Variants in GRIK2 observed in about 807,000 individuals in gnomAD.
GRIK2 encodes the protein glutamate receptor ionotropic, kainate 2.
GRIK2 carries 32 observed loss-of-function variants against 100.3 expected under a neutral mutation model. The observed-to-expected ratio is 0.32, with a 90% confidence interval of 0.24 to 0.43. The LOEUF (loss-of-function observed/expected upper bound fraction) is 0.43. GRIK2 is among the 20% of genes least tolerant of loss of function. The pLI is 1.00. For missense variants in GRIK2, 843 were observed against 1,114.9 expected (o/e 0.76, Z 3.47); for synonymous variants, 417 against 389.4 (o/e 1.07, Z -0.83).
At chr6:101,502,788 A>T (rs1173711319) in intron 2 of GRIK2, among the ~76,000 whole-genome samples, 1 of 152,162 alleles carries the variant, frequency 6.6e-6, no homozygotes, top group Non-Finnish European at 1.5e-5. Flanking sequence ...ATGGCAAAAA[A>T]CTTACTTTCT....
chr6:101,617,944 G>GTA lies in GRIK2; in HGVS notation c.116-3997_116-3996dup, dbSNP rs1254370527. ...GAAAATGTCATATATATATGTGTGT[G>GTA]TATATATATGTGTGTGTGTGTTTTG... On this transcript the variant is annotated intron_variant, in intron 2 of 16. Transcript: ENST00000369134. 1.3e-5 allele frequency among the ~76,000 whole-genome samples: 2 copies of GTA among 150,998 alleles called. 1 individual carries two copies. The highest frequency in any genetic ancestry group is 4.2e-4 in the South Asian group (2 of 4,814).
At chr6:101,750,406 G>A (rs1022090049) in intron 7 of GRIK2, among the ~76,000 whole-genome samples, 2 of 152,002 alleles carry the variant, frequency 1.3e-5, no homozygotes, top group African/African-American at 2.4e-5. Flanking sequence ...CCTTCTCACC[G>A]AGGCCCAGAT....
At chr6:101,791,365 A>G (rs1473515244) in intron 7 of GRIK2, among the ~76,000 whole-genome samples, 3 of 152,114 alleles carry the variant, frequency 2.0e-5, no homozygotes, top group Non-Finnish European at 2.9e-5. Context: ...ATTTCCCTCT[A>G]CACACTGCTT....
chr6:101,673,158 G>A (rs7451268), intron 4 of GRIK2, among the ~76,000 whole-genome samples: 47,054 of 151,908 alleles, frequency 0.31, 9,022 homozygotes, highest in African/African-American at 0.54. Flanking sequence ...ACTCAAGTCC[G>A]CAAGCAAAAA....
At chr6:101,618,907 C>T (rs550989674) in intron 2 of GRIK2, among the ~76,000 whole-genome samples, 5 of 150,242 alleles carry the variant, frequency 3.3e-5, no homozygotes, top group Non-Finnish European at 7.4e-5. Flanking sequence ...ACTGTTCATT[C>T]GTGATTTTTA....
At chr6:101,604,261 T>A in intron 2 of GRIK2, among the ~76,000 whole-genome samples, 1 of 151,800 alleles carries the variant, frequency 6.6e-6, no homozygotes, top group South Asian at 2.1e-4. Flanking sequence ...AAAATTAAAG[T>A]ATTTAAAAAT....
chr6:101,717,913 C>T (rs2128363066), intron 7 of GRIK2, among the ~76,000 whole-genome samples: 1 of 151,744 alleles, frequency 6.6e-6, no homozygotes, highest in Middle Eastern at 3.4e-3. Context: ...CTACCCAGGT[C>T]CATAAATAGC....
chr6:101,806,224 A>G (rs1419708054), intron 9 of GRIK2, among the ~76,000 whole-genome samples: 1 of 152,030 alleles, frequency 6.6e-6, no homozygotes, highest in Non-Finnish European at 1.5e-5. Context: ...AGAGGCTGGT[A>G]TTGAGCACTC....
Position 102,065,736 on chromosome 6 carries a change from G to A in GRIK2, c.2563-2611G>A, listed in dbSNP as rs1032804957. 47 of 1,025,336 alleles carry A rather than the reference G, an allele frequency of 4.6e-5. No individual in the cohort carries two copies. The East Asian group carries it at 5.6e-4, about 12-fold the overall frequency. 63.5% of individuals were successfully genotyped at this position (1,025,336 alleles called of 1,614,324 possible). A position where few individuals can be genotyped will look rare whatever the true frequency, so the allele number is the denominator to read the frequency against. ...TCCTATAACAATTTTAAATGTCAAC[G>A]GGATCAAGTTTTGACCATGTTATGT... On this transcript the variant is annotated intron_variant, in intron 16 of 16. Coordinates refer to ENST00000369134, the MANE Select transcript of GRIK2 (RefSeq NM_021956.5).
At chr6:101,902,646 T>G (rs1363102187) in intron 12 of GRIK2, among the ~76,000 whole-genome samples, 1 of 151,970 alleles carries the variant, frequency 6.6e-6, no homozygotes, top group East Asian at 1.9e-4. Context: ...TAATGTTTTC[T>G]TAATTATTGA....
At chr6:101,573,733 C>T (rs1463501271) in intron 2 of GRIK2, among the ~76,000 whole-genome samples, 2 of 152,014 alleles carry the variant, frequency 1.3e-5, no homozygotes, top group African/African-American at 4.8e-5. Context: ...TGAATTCTTT[C>T]ATTGGACACC....
chr6:101,823,141 T>C (rs1198463345), intron 10 of GRIK2, among the ~76,000 whole-genome samples: 1 of 152,158 alleles, frequency 6.6e-6, no homozygotes, highest in African/African-American at 2.4e-5. Context: ...TACTTAGTTT[T>C]CTTTTACTCT....
intron 4 of GRIK2, among the ~76,000 whole-genome samples, chr6:101,653,921 C>A (rs9498658): frequency 0.73 from 110,960 of 152,002 alleles, 40,941 homozygotes; most frequent in African/African-American, 0.78. Context: ...GCACCTGGCA[C>A]TTTAAATATC....
intron 12 of GRIK2, among the ~76,000 whole-genome samples, chr6:101,910,695 C>A (rs1788615924): frequency 6.6e-6 from 1 of 151,166 alleles, no homozygotes; most frequent in Non-Finnish European, 1.5e-5. Flanking sequence ...ATAGATCTGC[C>A]TTTTAAATAA....
chr6:101,823,862 G>GTTTTTTTT (rs11454516), intron 10 of GRIK2, among the ~76,000 whole-genome samples: 2 of 130,404 alleles, frequency 1.5e-5, no homozygotes, highest in Non-Finnish European at 1.7e-5. Flanking sequence ...AGTAAGTTCT[G>GTTTTTTTT]TTTTTTTTTT....
At chr6:101,473,783 A>G (rs1376023293) in intron 2 of GRIK2, among the ~76,000 whole-genome samples, 1 of 151,786 alleles carries the variant, frequency 6.6e-6, no homozygotes, top group Non-Finnish European at 1.5e-5. Flanking sequence ...AGTAAAACAC[A>G]TTCATAGCTT....
chr6:102,017,391 G>A (rs1769169183), intron 14 of GRIK2, among the ~76,000 whole-genome samples: 1 of 152,106 alleles, frequency 6.6e-6, no homozygotes, highest in Non-Finnish European at 1.5e-5. Context: ...TCCCCACCAG[G>A]TTCCTCCCTT....
At chr6:101,867,637 T>A (rs902363462) in intron 11 of GRIK2, among the ~76,000 whole-genome samples, 1 of 151,814 alleles carries the variant, frequency 6.6e-6, no homozygotes, top group African/African-American at 2.4e-5. Flanking sequence ...AGTTCTCAAA[T>A]ATAAATGACT....
At chr6:101,585,769 T>G (rs1181457588) in intron 2 of GRIK2, among the ~76,000 whole-genome samples, 3 of 151,916 alleles carry the variant, frequency 2.0e-5, no homozygotes, top group Admixed American at 2.0e-4. Flanking sequence ...AATAGGCAAA[T>G]ATAAATAATA....
Sources: gnomAD v4.1 joint callset for allele counts (sites outside exome capture counted in the v4.1 genomes callset) on GRCh38, gnomAD v4.1.1 for gene constraint, MANE v1.5 for transcripts, NCBI Gene and HGNC (gene_info 2026-07-23, HGNC 2026-07-21) for gene names.